Variants in ARB2A observed in about 807,000 individuals in gnomAD.
ARB2A encodes the protein cotranscriptional regulator ARB2A.
the ARB2A span, among the ~76,000 whole-genome samples, chr5:93,881,918 A>T: frequency 2.6e-5 from 4 of 151,460 alleles, 1 homozygote; most frequent in African/African-American, 9.6e-5. Flanking sequence ...AACAAAAAAT[A>T]TAATTGCAAC....
At chr5:94,045,356 C>A in the ARB2A span, among the ~76,000 whole-genome samples, 2 of 151,962 alleles carry the variant, frequency 1.3e-5, no homozygotes, top group Non-Finnish European at 2.9e-5. Context: ...TGAATTCTTT[C>A]TTATGTGACA....
At chr5:93,626,929 T>C in the ARB2A span, among the ~76,000 whole-genome samples, 1 of 152,248 alleles carries the variant, frequency 6.6e-6, no homozygotes, top group Non-Finnish European at 1.5e-5. Flanking sequence ...TTACCCACAG[T>C]AGAACTTCTT....
the ARB2A span, among the ~76,000 whole-genome samples, chr5:94,028,120 T>C: frequency 6.6e-6 from 1 of 152,252 alleles, no homozygotes; most frequent in East Asian, 1.9e-4. Context: ...CCTCTTATTT[T>C]ATTGCAAGCT....
the ARB2A span, among the ~76,000 whole-genome samples, chr5:94,035,013 TC>T: frequency 9.5e-4 from 144 of 151,966 alleles, no homozygotes; most frequent in African/African-American, 3.4e-3. Context: ...TCCCAAAACA[TC>T]CCCCACCCCC....
At chr5:93,959,366 T>C in the ARB2A span, among the ~76,000 whole-genome samples, 2 of 152,128 alleles carry the variant, frequency 1.3e-5, no homozygotes, top group South Asian at 2.1e-4. Context: ...TATTATTATA[T>C]TGATTTATAG....
At chr5:93,920,604 C>T in the ARB2A span, among the ~76,000 whole-genome samples, 3 of 152,174 alleles carry the variant, frequency 2.0e-5, no homozygotes, top group African/African-American at 4.8e-5. Context: ...TCTATTTGAT[C>T]ATTTAATACC....
chr5:93,633,683 C>T, the ARB2A span, among the ~76,000 whole-genome samples: 1 of 152,094 alleles, frequency 6.6e-6, no homozygotes, highest in Admixed American at 6.6e-5. Flanking sequence ...AAGCAAATCG[C>T]AAGGAATACA....
At chr5:93,735,907 G>A in the ARB2A span, 1 of 151,990 alleles carries the variant, frequency 6.6e-6, no homozygotes, top group Admixed American at 6.6e-5. Flanking sequence ...GCTTGATGAT[G>A]TTGTGGATTC....
chr5:94,050,844 A>G, the ARB2A span: 17 of 1,549,304 alleles, frequency 1.1e-5, no homozygotes. Context: ...AAGAAGATAA[A>G]CAAACAATAT....
the ARB2A span, among the ~76,000 whole-genome samples, chr5:93,651,589 GAC>G: frequency 6.6e-6 from 1 of 152,198 alleles, no homozygotes; most frequent in African/African-American, 2.4e-5. Context: ...GAAAGGAAAT[GAC>G]ACAAGATAAA....
the ARB2A span, chr5:93,743,635 C>T: frequency 4.1e-6 from 3 of 726,582 alleles, no homozygotes; most frequent in Non-Finnish European, 3.4e-6. Context: ...AATATATATG[C>T]TAAGGTCCAC....
chr5:93,959,041 AATGGCTGTTAC>A, the ARB2A span: 2 of 973,890 alleles, frequency 2.1e-6, no homozygotes, highest in Non-Finnish European at 1.4e-6. Context: ...AAAAACAACT[AATGGCTGTTAC>A]AAAGTATTAA....
At chr5:93,620,983 C>T in the ARB2A span, 1 of 1,603,080 alleles carries the variant, frequency 6.2e-7, no homozygotes, top group Non-Finnish European at 8.5e-7. Context: ...CGCGCTCGCT[C>T]CTCTTACAGC....
chr5:93,854,053 T>A, the ARB2A span, among the ~76,000 whole-genome samples: 1 of 152,224 alleles, frequency 6.6e-6, no homozygotes, highest in African/African-American at 2.4e-5. Context: ...TCCTTGTACC[T>A]CTGGTAGAAT....
the ARB2A span, among the ~76,000 whole-genome samples, chr5:93,713,918 G>T: frequency 6.6e-6 from 1 of 152,152 alleles, no homozygotes; most frequent in Non-Finnish European, 1.5e-5. Flanking sequence ...CCCATGGTGA[G>T]CCCTGAATGG....
the ARB2A span, among the ~76,000 whole-genome samples, chr5:93,869,127 T>C: frequency 6.6e-6 from 1 of 152,284 alleles, no homozygotes; most frequent in East Asian, 1.9e-4. Context: ...TCATTTTACA[T>C]ATCTGTAACA....
the ARB2A span, among the ~76,000 whole-genome samples, chr5:93,972,090 C>T: frequency 6.6e-6 from 1 of 152,100 alleles, no homozygotes; most frequent in African/African-American, 2.4e-5. Context: ...ATGAGCATGG[C>T]CTTAAAGAGA....
chr5:93,776,804 C>T, the ARB2A span, among the ~76,000 whole-genome samples: 3 of 151,838 alleles, frequency 2.0e-5, no homozygotes, highest in East Asian at 5.8e-4. Context: ...AAATAGATGA[C>T]ATGTAACCTT....
the ARB2A span, among the ~76,000 whole-genome samples, chr5:93,946,162 T>C: frequency 6.6e-6 from 1 of 151,914 alleles, no homozygotes; most frequent in Non-Finnish European, 1.5e-5. Flanking sequence ...AAAACACAGA[T>C]CATTAGATAC....
Sources: allele counts gnomAD v4.1 joint callset (sites outside exome capture counted in the v4.1 genomes callset), GRCh38; gene constraint gnomAD v4.1.1; transcripts MANE v1.5; gene names NCBI Gene and HGNC (gene_info 2026-07-23, HGNC 2026-07-21).